ANK1: variants seen among roughly 807,000 people sequenced by gnomAD.
ANK1 encodes the protein ankyrin 1, also known as ankyrin-1.
ANK1 carries 51 observed loss-of-function variants against 210.4 expected under a neutral mutation model. The ratio of observed to expected loss-of-function variants is 0.24; its 90% CI spans 0.19 to 0.31. The LOEUF is 0.31. Among genes scored for constraint, ANK1 ranks in the 10% least tolerant of loss-of-function variants. The probability of loss-of-function intolerance (pLI) is 1.00; values close to 1 mark genes in which losing one functional copy is unlikely to be tolerated. For synonymous variants in ANK1, 967 were observed against 1,025.9 expected (o/e 0.94, Z 1.10); for missense variants, 2,051 against 2,504.4 (o/e 0.82, Z 3.86).
intron 1 of ANK1, among the ~76,000 whole-genome samples, chr8:41,759,705 AG>A (rs1839988865): frequency 6.6e-6 from 1 of 152,220 alleles, no homozygotes; most frequent in Non-Finnish European, 1.5e-5. Flanking sequence ...TGGTATCTAC[AG>A]GGGGTTCTGG....
At chr8:41,655,936 C>T (rs1249618125) in intron 42 of ANK1, among the ~76,000 whole-genome samples, 183 bp from the exon 43 acceptor site, 1 of 152,258 alleles carries the variant, frequency 6.6e-6, no homozygotes, top group African/African-American at 2.4e-5. Flanking sequence ...TGAGATGCCG[C>T]CCTCCTTCTC....
chr8:41,717,081 C>A (rs368470352), intron 12 of ANK1, 30 bp from the exon 13 acceptor site: 2 of 1,609,752 alleles, frequency 1.2e-6, no homozygotes, highest in Non-Finnish European at 1.7e-6. Context: ...TAGAACTGTT[C>A]ATACATGCCT....
intron 1 of ANK1, among the ~76,000 whole-genome samples, chr8:41,804,603 G>A (rs1850646221): frequency 6.6e-6 from 1 of 152,072 alleles, no homozygotes; most frequent in Non-Finnish European, 1.5e-5. Flanking sequence ...AAAATAATCT[G>A]GTCTTTTTCA....
chr8:41,845,122 C>T (rs1020416260), intron 1 of ANK1, among the ~76,000 whole-genome samples: 5 of 152,164 alleles, frequency 3.3e-5, no homozygotes, highest in African/African-American at 9.7e-5. Context: ...CAGTGACTCA[C>T]GCCTGTAATC....
chr8:41,664,708 C>T, intron 39 of ANK1: 2 of 1,276,664 alleles, frequency 1.6e-6, no homozygotes, highest in Non-Finnish European at 2.2e-6. Context: ...CGGCGTCTCC[C>T]AACTCTGGGT....
intron 15 of ANK1, among the ~76,000 whole-genome samples, chr8:41,714,657 C>G (rs531184579): frequency 1.3e-5 from 2 of 152,206 alleles, no homozygotes; most frequent in African/African-American, 4.8e-5. Context: ...GCCCAGAGTT[C>G]GAGACCAGCC....
chr8:41,736,947 C>T (rs1169810447), intron 2 of ANK1, among the ~76,000 whole-genome samples: 1 of 152,168 alleles, frequency 6.6e-6, no homozygotes, highest in East Asian at 1.9e-4. Context: ...CAGCCACACA[C>T]AGGACCAACC....
At chr8:41,734,205 G>A in intron 2 of ANK1, 136 bp from the exon 3 acceptor site, 1 of 812,592 alleles carries the variant, frequency 1.2e-6, no homozygotes, top group Non-Finnish European at 2.1e-6. Context: ...GTGTCTAGAG[G>A]TTGGAAGGGG....
intron 2 of ANK1, among the ~76,000 whole-genome samples, chr8:41,751,951 T>A (rs1586698391): frequency 6.6e-6 from 1 of 152,100 alleles, no homozygotes; most frequent in Non-Finnish European, 1.5e-5. Flanking sequence ...CCACCTTCCC[T>A]TCCATCACTC....
intron 1 of ANK1, among the ~76,000 whole-genome samples, chr8:41,857,514 G>T (rs1358216195): frequency 6.6e-6 from 1 of 151,952 alleles, no homozygotes. Context: ...CGAGGCAGGC[G>T]AATCACCTGA....
intron 1 of ANK1, among the ~76,000 whole-genome samples, chr8:41,891,940 T>A (rs919530394): frequency 1.3e-5 from 2 of 152,210 alleles, no homozygotes; most frequent in African/African-American, 2.4e-5. Context: ...TAAATATCCA[T>A]TAATGCCACA....
intron 1 of ANK1, among the ~76,000 whole-genome samples, chr8:41,839,811 G>A (rs1230158579): frequency 6.6e-6 from 1 of 152,156 alleles, no homozygotes; most frequent in Non-Finnish European, 1.5e-5. Flanking sequence ...CATCCTGGAT[G>A]GGACCCTAGG....
chr8:41,655,581 C>T lies in ANK1; in HGVS notation c.*209G>A, dbSNP rs548256257. ...GCAGGATTGAAGCCTGGAGGTCATG[C>T]GTCTACAGTCAGTCATTCATGCCAA... On this transcript the variant is annotated 3_prime_UTR_variant, in exon 43 of 43. Transcript: ENST00000289734. 1.3e-4 allele frequency: 122 copies of T among 930,908 alleles called. No homozygotes were observed. The highest frequency in any genetic ancestry group is 1.8e-4 in the Non-Finnish European group (107 of 591,420). The allele number at this position is 930,908 out of a possible 1,614,324, so 57.7% of individuals were successfully genotyped here. A position where few individuals can be genotyped will look rare whatever the true frequency, so the allele number is the denominator to read the frequency against.
intron 1 of ANK1, among the ~76,000 whole-genome samples, chr8:41,808,092 A>ATTTCT (rs1851235314): frequency 6.6e-6 from 1 of 152,160 alleles, no homozygotes; most frequent in Non-Finnish European, 1.5e-5. Flanking sequence ...AGACCCAGAA[A>ATTTCT]GGGTCTTCTC....
At position 41,723,120 on chromosome 8, in the gene ANK1, C is replaced by A; in HGVS notation, c.909+5G>T. On this transcript the variant is annotated splice_donor_5th_base_variant and intron_variant, in intron 9 of 42. Transcript: ENST00000289734. The stretch of plus-strand genomic sequence containing the variant: ...AAATGCGCCTGACAGGAAGGAAGTA[C>A]ACACCTTGGTTTTGGCTTGGATTGG... The A allele has an allele frequency of 1.2e-6, 2 of 1,614,094 alleles. No homozygotes were observed. The highest frequency in any genetic ancestry group is 1.7e-6 in the Non-Finnish European group (2 of 1,179,966).
At chr8:41,674,317 TCACA>T (rs1813474067) in intron 37 of ANK1, among the ~76,000 whole-genome samples, 1 of 152,028 alleles carries the variant, frequency 6.6e-6, no homozygotes, top group South Asian at 2.1e-4. Flanking sequence ...ACACACACAC[TCACA>T]CACTCTCTCT....
chr8:41,783,353 A>G (rs937567751), intron 1 of ANK1, among the ~76,000 whole-genome samples: 1 of 152,158 alleles, frequency 6.6e-6, no homozygotes, highest in South Asian at 2.1e-4. Context: ...TCAAGTTGAA[A>G]TCTGCTTTCC....
chr8:41,781,315 C>T (rs578214471), intron 1 of ANK1, among the ~76,000 whole-genome samples: 3 of 152,330 alleles, frequency 2.0e-5, no homozygotes, highest in Admixed American at 1.3e-4. Flanking sequence ...ACACACAAGC[C>T]CAACAGCCAG....
intron 1 of ANK1, among the ~76,000 whole-genome samples, chr8:41,803,017 G>GA (rs1321158712): frequency 1.2e-5 from 1 of 84,042 alleles, no homozygotes. Flanking sequence ...AAGAAAGAAA[G>GA]AAAGAAAGAA....
Sources: gnomAD v4.1 joint callset for allele counts (sites outside exome capture counted in the v4.1 genomes callset) on GRCh38, gnomAD v4.1.1 for gene constraint, MANE v1.5 for transcripts, NCBI Gene and HGNC (gene_info 2026-07-23, HGNC 2026-07-21) for gene names.